The following NASP variants were observed in gnomAD, a reference collection of about 807,000 sequenced individuals.
NASP encodes NASP histone chaperone.
Under a neutral mutation model 89.5 loss-of-function variants are expected in NASP, and 24 were observed. The ratio of observed to expected loss-of-function variants is 0.27; its 90% CI spans 0.19 to 0.38. The LOEUF (loss-of-function observed/expected upper bound fraction) is 0.38. NASP is among the 10% of genes least tolerant of loss of function. The pLI is 1.00. For missense variants in NASP, 848 were observed against 921.4 expected (o/e 0.92, Z 1.03); for synonymous variants, 306 against 324.7 (o/e 0.94, Z 0.62).
intron 2 of NASP, among the ~76,000 whole-genome samples, chr1:45,594,357 G>T (rs1389679388): frequency 6.6e-6 from 1 of 151,682 alleles, no homozygotes; most frequent in Non-Finnish European, 1.5e-5. Flanking sequence ...AAAATTTCTT[G>T]TGAGTTAATC....
At chr1:45,585,584 A>G (rs996596409) in intron 1 of NASP, among the ~76,000 whole-genome samples, 8 of 152,290 alleles carry the variant, frequency 5.3e-5, no homozygotes, top group African/African-American at 1.9e-4. Context: ...GAGTCGTGCT[A>G]TAGCTATTAT....
chr1:45,586,284 G>GTGTGTGGTGTGT (rs1202771599), intron 1 of NASP, among the ~76,000 whole-genome samples: 2 of 100,474 alleles, frequency 2.0e-5, no homozygotes, highest in South Asian at 6.5e-4. Context: ...GTGTGTGTGT[G>GTGTGTGGTGTGT]GTGTGTGTGT....
chr1:45,588,995 A>G (rs1643441890), intron 1 of NASP: 1 of 164,168 alleles, frequency 6.1e-6, no homozygotes, highest in Admixed American at 6.2e-5. Flanking sequence ...GAGTGTTTAT[A>G]TTAAATCCAT....
chr1:45,617,352 T>C lies in NASP; in HGVS notation c.2158-111T>C, dbSNP rs578107283. 3.1e-6 allele frequency: 4 copies of C among 1,282,834 alleles called. No homozygotes were observed. In the East Asian group the frequency reaches 9.4e-5, roughly 30 times the overall value. 79.5% of individuals were successfully genotyped at this position (1,282,834 alleles called of 1,614,324 possible). On this transcript the variant is annotated intron_variant, in intron 13 of 14. Transcript: ENST00000350030. ...CTAGGGAGAGAGACCCTTAGAGCTGTGAATCCTGATGTTCAGGATCTTTGC... is the reference window on the plus strand; with the variant it reads ...CTAGGGAGAGAGACCCTTAGAGCTGCGAATCCTGATGTTCAGGATCTTTGC...
chr1:45,601,208 T>A (rs767407195), intron 2 of NASP, among the ~76,000 whole-genome samples: 2 of 152,182 alleles, frequency 1.3e-5, no homozygotes, highest in Non-Finnish European at 2.9e-5. Context: ...TTGTTAATAG[T>A]TTGTGCTTTT....
intron 2 of NASP, chr1:45,600,501 ATTATT>A: frequency 9.2e-7 from 1 of 1,083,656 alleles, no homozygotes; most frequent in Non-Finnish European, 1.2e-6. Context: ...ATTCAGCATA[ATTATT>A]TTGAGATTCA....
intron 1 of NASP, among the ~76,000 whole-genome samples, chr1:45,589,317 T>G (rs1378194709): frequency 6.6e-6 from 1 of 152,016 alleles, no homozygotes; most frequent in Non-Finnish European, 1.5e-5. Context: ...TAGAGATAGG[T>G]CTCGCTGTGT....
rs1203501814 is a variant in NASP at position 45,618,366 on chromosome 1, A to G, written c.*225A>G. On this transcript the variant is annotated 3_prime_UTR_variant, in exon 15 of 15. Coordinates refer to ENST00000350030, the MANE Select transcript of NASP (RefSeq NM_002482.4). ...CCTTCTGTACTGATCTGTGTTCCTG[A>G]TCCTAATTCCTATCTGTCTAACGTG... 2.4e-6 allele frequency: 1 copy of G among 419,778 alleles called. No homozygotes were observed. Among genetic ancestry groups the G allele is most frequent in the Non-Finnish European group, 4.5e-6 (1 of 223,002 alleles). 26.0% of individuals were successfully genotyped at this position (419,778 alleles called of 1,614,324 possible). A position where few individuals can be genotyped will look rare whatever the true frequency, so the allele number is the denominator to read the frequency against.
In NASP at chr1:45,606,565, T is replaced by C. The variant is rs1426523801; in HGVS notation, c.383T>C (p.Leu128Pro). 1.2e-6 allele frequency: 2 copies of C among 1,608,840 alleles called. No individual in the cohort carries two copies. Among genetic ancestry groups the C allele is most frequent in the African/African-American group, 2.7e-5 (2 of 74,822 alleles). Reference protein sequence around the residue: ...EEGEKTEDESLVENNDNIDEE... With the variant: ...EEGEKTEDESPVENNDNIDEE... ...GGAGAAAAAACAGAAGATGAATCTCTGGTAGAAAATAATGATAACATAGAT... is the reference window on the plus strand; with the variant it reads ...GGAGAAAAAACAGAAGATGAATCTCCGGTAGAAAATAATGATAACATAGAT... Residue 128 changes from leucine to proline, a missense_variant, in exon 5 of 15, where the codon CTG becomes CCG. By Grantham distance (98) the Leu-to-Pro change is moderately conservative. This residue lies in a region of NASP where 464 missense variants were observed against 469.4 expected (regional missense o/e 0.99). Transcript: ENST00000350030.
intron 6 of NASP, chr1:45,610,321 A>G (rs1268264029): frequency 6.6e-6 from 1 of 152,220 alleles, no homozygotes; most frequent in African/African-American, 2.4e-5. Flanking sequence ...TGTAAAGACA[A>G]TACAGTTTTC....
intron 3 of NASP, 133 bp from the exon 4 acceptor site, chr1:45,604,803 C>A: frequency 7.6e-6 from 5 of 660,068 alleles, no homozygotes; most frequent in South Asian, 4.0e-5. Context: ...TCACTTTGAC[C>A]TTGAAAGCAA....
chr1:45,607,668 G>A lies in NASP; in HGVS notation c.757G>A (p.Glu253Lys). ...AGTTTCTGGAACTGATGTCCAAGAA[G>A]AGTGCAGAGAAAAAGGAGGTCAGGA... The part of the protein sequence containing the change: ...KSVSGTDVQE[E>K]CREKGGQEKQ... Residue 253 changes from glutamate to lysine, a missense_variant, in exon 6 of 15, where the codon GAG becomes AAG. By Grantham distance (56) the Glu-to-Lys change is moderately conservative. Transcript: ENST00000350030. 8 of 1,614,164 alleles carry A rather than the reference G, an allele frequency of 5.0e-6. No homozygotes were observed. Among genetic ancestry groups the A allele is most frequent in the Non-Finnish European group, 5.9e-6 (7 of 1,180,016 alleles).
At chr1:45,595,705 A>G (rs1431061918) in intron 2 of NASP, among the ~76,000 whole-genome samples, 1 of 152,252 alleles carries the variant, frequency 6.6e-6, no homozygotes, top group Non-Finnish European at 1.5e-5. Flanking sequence ...GGCAACAAAT[A>G]GTACTAGCAA....
chr1:45,600,536 TA>T, intron 2 of NASP: 3 of 862,620 alleles, frequency 3.5e-6, no homozygotes, highest in Non-Finnish European at 4.4e-6. Flanking sequence ...CCACCTGTAT[TA>T]ATAGTTCATT....
chr1:45,614,863 ACTTT>A (rs1569613379), intron 9 of NASP, 146 bp from the exon 10 acceptor site: 3 of 724,926 alleles, frequency 4.1e-6, no homozygotes, highest in African/African-American at 1.8e-5. Flanking sequence ...AGTCATTTTG[ACTTT>A]CTTTATAGCC....
intron 13 of NASP, among the ~76,000 whole-genome samples, chr1:45,617,041 T>G (rs1014913789): frequency 6.6e-6 from 1 of 152,152 alleles, no homozygotes; most frequent in Non-Finnish European, 1.5e-5. Flanking sequence ...GACTGGGTTT[T>G]GCCATACTGA....
intron 3 of NASP, 43 bp from the exon 4 acceptor site, chr1:45,604,893 A>G (rs1643889397): frequency 7.2e-7 from 1 of 1,397,494 alleles, no homozygotes; most frequent in Non-Finnish European, 1.0e-6. Flanking sequence ...AATGTTTTAG[A>G]TTAGATGGTA....
At chr1:45,616,265 G>A in intron 11 of NASP, 72 bp from the exon 12 acceptor site, 9 of 1,351,242 alleles carry the variant, frequency 6.7e-6, no homozygotes, top group Non-Finnish European at 9.6e-6. Flanking sequence ...GATGGTGATG[G>A]GTTCCTGTTA....
At chr1:45,586,288 T>TGTGTGTGTGTGTGTGTG (rs1644544988) in intron 1 of NASP, among the ~76,000 whole-genome samples, 4 of 95,778 alleles carry the variant, frequency 4.2e-5, no homozygotes, top group African/African-American at 2.0e-4. Flanking sequence ...GTGTGTGGTG[T>TGTGTGTGTGTGTGTGTG]GTGTGTGTGT....
Sources: gnomAD v4.1 joint callset for allele counts (sites outside exome capture counted in the v4.1 genomes callset) on GRCh38, gnomAD v4.1.1 for gene constraint, gnomAD v4.1.1 regional missense constraint, MANE v1.5 for transcripts, NCBI Gene and HGNC (gene_info 2026-07-23, HGNC 2026-07-21) for gene names.